NEGR1: variants seen among roughly 807,000 people sequenced by gnomAD.
NEGR1 encodes neuronal growth regulator 1, also known as IgLON family member 4.
NEGR1 carries 10 observed loss-of-function variants against 40.9 expected under a neutral mutation model. The ratio of observed to expected loss-of-function variants is 0.24; its 90% CI spans 0.15 to 0.42. The LOEUF is 0.42. Ranked by LOEUF, NEGR1 falls within the 10% of genes least tolerant of loss-of-function variation. NEGR1 has a pLI of 1.00. For missense variants in NEGR1, 352 were observed against 438.9 expected (o/e 0.80, Z 1.77); for synonymous variants, 185 against 166.8 (o/e 1.11, Z -0.84).
chr1:72,004,800 A>G (rs560318797), intron 1 of NEGR1, among the ~76,000 whole-genome samples: 2 of 152,318 alleles, frequency 1.3e-5, no homozygotes, highest in East Asian at 3.9e-4. Flanking sequence ...GAACCACTGC[A>G]TAATACATTT....
intron 1 of NEGR1, among the ~76,000 whole-genome samples, chr1:72,125,900 G>T (rs1649996962): frequency 6.6e-6 from 1 of 152,124 alleles, no homozygotes; most frequent in African/African-American, 2.4e-5. Context: ...AAGAACAGAA[G>T]CCAGGTGTCC....
intron 2 of NEGR1, among the ~76,000 whole-genome samples, chr1:71,832,579 A>C (rs1382301325): frequency 6.6e-6 from 1 of 152,046 alleles, no homozygotes; most frequent in Non-Finnish European, 1.5e-5. Context: ...AACCATAACA[A>C]AACATCAAAT....
chr1:72,219,022 T>G (rs182375288), intron 1 of NEGR1, among the ~76,000 whole-genome samples: 15 of 152,148 alleles, frequency 9.9e-5, no homozygotes, highest in Non-Finnish European at 1.9e-4. Context: ...CACAATGACA[T>G]GTCCTTCCTC....
At chr1:72,053,537 T>C (rs1285267672) in intron 1 of NEGR1, among the ~76,000 whole-genome samples, 2 of 151,192 alleles carry the variant, frequency 1.3e-5, no homozygotes, top group African/African-American at 4.8e-5. Flanking sequence ...CTTTTATTTT[T>C]TTCACATCAC....
At chr1:71,663,744 T>C (rs940471864) in intron 4 of NEGR1, among the ~76,000 whole-genome samples, 3 of 152,242 alleles carry the variant, frequency 2.0e-5, no homozygotes, top group Admixed American at 1.3e-4. Flanking sequence ...CATACATGAT[T>C]GATAGTTTGG....
intron 5 of NEGR1, among the ~76,000 whole-genome samples, chr1:71,603,136 G>T (rs1649977637): frequency 6.6e-6 from 1 of 152,192 alleles, no homozygotes; most frequent in Non-Finnish European, 1.5e-5. Flanking sequence ...TTATCTCACA[G>T]ATTAATGAAG....
intron 5 of NEGR1, among the ~76,000 whole-genome samples, chr1:71,608,489 C>T (rs1337807330): frequency 1.9e-5 from 2 of 104,238 alleles, no homozygotes; most frequent in African/African-American, 7.2e-5. Context: ...CCGAGGATTA[C>T]TGTAGCTTTT....
At chr1:71,541,040 T>A (rs968229294) in intron 6 of NEGR1, among the ~76,000 whole-genome samples, 1 of 151,528 alleles carries the variant, frequency 6.6e-6, no homozygotes, top group African/African-American at 2.4e-5. Context: ...TCCACCCCCA[T>A]GATCAAAACA....
chr1:71,684,388 A>T (rs1314477017), intron 4 of NEGR1, among the ~76,000 whole-genome samples: 3 of 152,158 alleles, frequency 2.0e-5, no homozygotes, highest in African/African-American at 7.2e-5. Context: ...ACTTTCTTTA[A>T]GCGTTTGTAC....
chr1:72,016,108 T>G lies in NEGR1; in HGVS notation c.177-80797A>C, dbSNP rs575092752. Among the ~76,000 whole-genome samples the G allele has an allele frequency of 1.1e-3, 163 of 152,296 alleles. 1 individual carries two copies. The highest frequency in any genetic ancestry group is 3.7e-3 in the African/African-American group (154 of 41,570). On this transcript the variant is annotated intron_variant, in intron 1 of 6. Coordinates refer to ENST00000357731, the MANE Select transcript of NEGR1 (RefSeq NM_173808.3). Reference sequence around the variant, plus strand: ...AACACCCTTTTTAACTTAATTTTTTTTTGTTGTTCAGTCACTGATAGGTTT... The same window carrying G: ...AACACCCTTTTTAACTTAATTTTTTGTTGTTGTTCAGTCACTGATAGGTTT...
intron 2 of NEGR1, among the ~76,000 whole-genome samples, chr1:71,908,972 G>A (rs1337233516): frequency 6.6e-6 from 1 of 152,040 alleles, no homozygotes; most frequent in Non-Finnish European, 1.5e-5. Flanking sequence ...ATGGTGTCAA[G>A]TGTAACATTG....
At chr1:71,496,203 G>C (rs1404509446) in intron 6 of NEGR1, among the ~76,000 whole-genome samples, 4 of 152,030 alleles carry the variant, frequency 2.6e-5, no homozygotes, top group Admixed American at 2.6e-4. Flanking sequence ...ACTCTAAATA[G>C]AGAGAAAACA....
At chr1:71,788,885 A>G (rs1557652910) in intron 2 of NEGR1, among the ~76,000 whole-genome samples, 1 of 152,132 alleles carries the variant, frequency 6.6e-6, no homozygotes, top group Non-Finnish European at 1.5e-5. Context: ...TTTAACATGT[A>G]ATAAAAGAGT....
At chr1:71,713,618 T>C (rs1054423560) in intron 3 of NEGR1, among the ~76,000 whole-genome samples, 1 of 152,214 alleles carries the variant, frequency 6.6e-6, no homozygotes, top group Non-Finnish European at 1.5e-5. Flanking sequence ...TATTGGATAT[T>C]ACTGCAAAGC....
intron 2 of NEGR1, among the ~76,000 whole-genome samples, chr1:71,916,298 A>T (rs1661580311): frequency 1.3e-5 from 2 of 152,236 alleles, no homozygotes; most frequent in South Asian, 4.1e-4. Flanking sequence ...GATGAGTCTT[A>T]TCAGAAACAA....
intron 6 of NEGR1, among the ~76,000 whole-genome samples, chr1:71,547,891 C>T (rs1009159355): frequency 2.6e-5 from 4 of 151,702 alleles, no homozygotes; most frequent in Non-Finnish European, 4.4e-5. Flanking sequence ...AGAGTCACTG[C>T]AATTTGTGTC....
At chr1:72,234,203 T>G (rs919812008) in intron 1 of NEGR1, among the ~76,000 whole-genome samples, 1 of 152,132 alleles carries the variant, frequency 6.6e-6, no homozygotes, top group African/African-American at 2.4e-5. Context: ...TTCTCATCAT[T>G]TAGCTCCCAC....
intron 1 of NEGR1, among the ~76,000 whole-genome samples, chr1:72,066,048 A>G (rs1273215654): frequency 6.6e-6 from 1 of 152,142 alleles, no homozygotes; most frequent in Admixed American, 6.6e-5. Context: ...AACTATCAAT[A>G]CTCAGAATAT....
At chr1:71,680,869 T>A (rs1161780729) in intron 4 of NEGR1, among the ~76,000 whole-genome samples, 1 of 152,214 alleles carries the variant, frequency 6.6e-6, no homozygotes, top group East Asian at 1.9e-4. Flanking sequence ...ATGGCTTCCT[T>A]TTGCCAGAAG....
Sources: allele counts gnomAD v4.1 joint callset (sites outside exome capture counted in the v4.1 genomes callset), GRCh38; gene constraint gnomAD v4.1.1; transcripts MANE v1.5; gene names NCBI Gene and HGNC (gene_info 2026-07-23, HGNC 2026-07-21).